Variants in ZNF469 observed in about 807,000 individuals in gnomAD.
ZNF469 encodes the protein zinc finger protein 469.
A neutral mutation model predicts 1.0 loss-of-function variants in ZNF469; 1 was observed. The observed-to-expected ratio is 1.00, with a 90% CI of 0.35 to 4.73. The LOEUF is 4.73. Among genes scored for constraint, ZNF469 ranks in the 30% most tolerant of loss-of-function variants. The pLI, the probability that ZNF469 is intolerant of heterozygous loss-of-function variation, is 0.16. For missense variants in ZNF469, 6,100 were observed against 5,356.3 expected (o/e 1.14, Z -4.33); for synonymous variants, 2,703 against 2,363.4 (o/e 1.14, Z -4.17).
the ZNF469 span, among the ~76,000 whole-genome samples, chr16:88,361,210 T>C: frequency 6.6e-6 from 1 of 152,114 alleles, no homozygotes; most frequent in Non-Finnish European, 1.5e-5. Context: ...ATGCCACTGA[T>C]CTGACAGGAA....
At chr16:88,380,965 C>CATGCGCTCACACAT, upstream of ZNF469, among the ~76,000 whole-genome samples, 1 of 147,038 alleles carries the variant, frequency 6.8e-6, no homozygotes. Flanking sequence ...CACACACAGA[C>CATGCGCTCACACAT]ATGCACTCAC....
the ZNF469 span, among the ~76,000 whole-genome samples, chr16:88,196,133 A>G: frequency 6.6e-6 from 1 of 152,174 alleles, no homozygotes; most frequent in Non-Finnish European, 1.5e-5. Context: ...TAGGTGGCGA[A>G]ACTGAGGCCT....
At chr16:88,124,100 G>C in the ZNF469 span, among the ~76,000 whole-genome samples, 1 of 152,214 alleles carries the variant, frequency 6.6e-6, no homozygotes, top group African/African-American at 2.4e-5. Flanking sequence ...AACGCACCCA[G>C]CCAGTTTCAC....
At chr16:88,110,312 A>G in the ZNF469 span, among the ~76,000 whole-genome samples, 30 of 152,316 alleles carry the variant, frequency 2.0e-4, 1 homozygote, top group Admixed American at 8.5e-4. Flanking sequence ...CATTGCTGAC[A>G]AGTTGCAGGT....
chr16:88,380,587 ACT>A (rs2092519669), upstream of ZNF469, among the ~76,000 whole-genome samples: 1 of 147,018 alleles, frequency 6.8e-6, no homozygotes. Flanking sequence ...ACAGACATGC[ACT>A]CACACACATG....
At chr16:88,213,170 C>G in the ZNF469 span, among the ~76,000 whole-genome samples, 2 of 151,982 alleles carry the variant, frequency 1.3e-5, no homozygotes, top group African/African-American at 2.4e-5. Context: ...ACCATCTTGG[C>G]TCACTGCAAG....
the ZNF469 span, among the ~76,000 whole-genome samples, chr16:88,265,311 G>T: frequency 6.6e-6 from 1 of 152,180 alleles, no homozygotes; most frequent in Admixed American, 6.5e-5. Flanking sequence ...AGGAGGCCAG[G>T]GGCCTTCCTG....
the ZNF469 span, among the ~76,000 whole-genome samples, chr16:88,109,560 T>C: frequency 1.3e-5 from 2 of 148,392 alleles, no homozygotes; most frequent in African/African-American, 5.1e-5. Flanking sequence ...TGAGCATCTG[T>C]GTCCACGCTG....
At chr16:88,361,666 T>C in the ZNF469 span, among the ~76,000 whole-genome samples, 1 of 152,222 alleles carries the variant, frequency 6.6e-6, no homozygotes, top group South Asian at 2.1e-4. Context: ...CTATTCATTT[T>C]CTTAATGGTG....
At chr16:88,191,348 A>C in the ZNF469 span, 1 of 152,198 alleles carries the variant, frequency 6.6e-6, no homozygotes, top group African/African-American at 2.4e-5. Flanking sequence ...AGCAGACAGC[A>C]CCCTGCAGTT....
the ZNF469 span, among the ~76,000 whole-genome samples, chr16:88,109,247 C>A: frequency 2.6e-5 from 4 of 152,212 alleles, no homozygotes; most frequent in South Asian, 6.2e-4. Flanking sequence ...GAGGCCCCAA[C>A]AGTGAGACCT....
rs1239817613 is a variant in ZNF469 at position 88,439,182 on chromosome 16, C to T, written c.11712C>T (p.Pro3904=). 2.6e-6 allele frequency: 4 copies of T among 1,550,446 alleles called. No individual in the cohort carries two copies. Among genetic ancestry groups the T allele is most frequent in the Admixed American group, 2.0e-5 (1 of 51,012 alleles). Residue 3904 remains proline (P), a synonymous_variant, in exon 3 of 3, where the codon CCC becomes CCT. Transcript: ENST00000565624. ...AFPQGRPLLR[P]PKRGTAVHGA... is the part of the protein sequence containing the mutation. ...CCCAGGGGAGACCCCTGCTCAGGCC[C>T]CCCAAGAGGGGCACAGCTGTCCACG... is the stretch of plus-strand genomic sequence containing the variant.
the ZNF469 span, among the ~76,000 whole-genome samples, chr16:88,140,477 T>TAGCCCGGAGGAAAGGAGGA: frequency 7.6e-6 from 1 of 131,584 alleles, no homozygotes; most frequent in African/African-American, 4.4e-5. Context: ...GCACGGAAAG[T>TAGCCCGGAGGAAAGGAGGA]CAGTGACAAC....
rs1906091944 is a variant in ZNF469 at position 88,430,618 on chromosome 16, C to T, written c.3148C>T (p.Leu1050Phe). 6.7e-7 allele frequency: 1 copy of T among 1,502,180 alleles called. No homozygotes were observed. The allele number at this position is 1,502,180 out of a possible 1,614,324, so 93.1% of individuals were successfully genotyped here. The stretch of plus-strand genomic sequence containing the variant: ...TCGGGGCGGCGCCTGGGGCAAGGAG[C>T]TCATTCTGAAGATCGTGCAGCAGAA... ...KARGGAWGKELILKIVQQKNR... is the reference protein window; with the variant it reads ...KARGGAWGKEFILKIVQQKNR... The change falls in exon 3 of 3, where the codon CTC becomes TTC. Residue 1050 changes from leucine to phenylalanine, a missense_variant. Transcript: ENST00000565624.
At chr16:88,279,504 T>C in the ZNF469 span, among the ~76,000 whole-genome samples, 7 of 145,040 alleles carry the variant, frequency 4.8e-5, no homozygotes, top group Non-Finnish European at 1.0e-4. Flanking sequence ...CAGTGCACAG[T>C]TAGTGCTGTG....
At chr16:88,255,010 A>G in the ZNF469 span, among the ~76,000 whole-genome samples, 1 of 152,202 alleles carries the variant, frequency 6.6e-6, no homozygotes, top group East Asian at 1.9e-4. Flanking sequence ...TGACATTTTC[A>G]GTGTAAAATT....
At chr16:88,240,611 A>C in the ZNF469 span, among the ~76,000 whole-genome samples, 2 of 152,104 alleles carry the variant, frequency 1.3e-5, no homozygotes, top group African/African-American at 4.8e-5. Context: ...TGGAGCTGGG[A>C]TAGGCCACTG....
rs370043591 is a variant in ZNF469, at chr16:88,435,445, G to A, written c.7975G>A (p.Gly2659Arg). 5.0e-5 allele frequency: 77 copies of A among 1,549,920 alleles called. No individual in the cohort carries two copies. Among genetic ancestry groups the A allele is most frequent in the Non-Finnish European group, 6.5e-5 (75 of 1,146,994 alleles). ...AGTCTCTGCTGATGTGATTTCAGAT[G>A]GGCGCGGCTCCAGACCATCCCCTGC... is the stretch of plus-strand genomic sequence containing the variant. ...LPVSADVISD[G>R]RGSRPSPAMA... is the part of the protein sequence containing the mutation. The change falls in exon 3 of 3, where the codon GGG (glycine) becomes AGG (arginine). Residue 2659 changes from glycine to arginine, a missense_variant. Gly to Arg is a moderately radical substitution (Grantham distance 125). Transcript: ENST00000565624.
the ZNF469 span, among the ~76,000 whole-genome samples, chr16:88,119,161 G>T: frequency 4.6e-5 from 7 of 152,232 alleles, no homozygotes; most frequent in Non-Finnish European, 1.0e-4. Context: ...AGCTTGAAAA[G>T]AAAGATAGTA....
Sources: allele counts gnomAD v4.1 joint callset (sites outside exome capture counted in the v4.1 genomes callset), GRCh38; gene constraint gnomAD v4.1.1; transcripts MANE v1.5; gene names NCBI Gene and HGNC (gene_info 2026-07-23, HGNC 2026-07-21).